Variants in MUC12 observed in about 807,000 individuals in gnomAD.
MUC12 encodes mucin 12, cell surface associated.
A neutral mutation model predicts 230.8 loss-of-function variants in MUC12; 172 were observed. The observed-to-expected ratio is 0.75, with a 90% CI of 0.66 to 0.85. MUC12 has a LOEUF of 0.85. Ranked by LOEUF, MUC12 falls within the 40% of genes least tolerant of loss-of-function variation. The probability of loss-of-function intolerance (pLI) is 0.00; values close to 1 mark genes in which losing one functional copy is unlikely to be tolerated. For synonymous variants in MUC12, 1,259 were observed against 2,401.9 expected (o/e 0.52, Z 13.91); for missense variants, 3,506 against 5,920.6 (o/e 0.59, Z 13.38).
chr7:100,983,128 T>C (rs1793134635), intron 1 of MUC12, among the ~76,000 whole-genome samples: 2 of 151,676 alleles, frequency 1.3e-5, no homozygotes. Flanking sequence ...CTATGTAAAA[T>C]AGAAATAGCG....
Position 101,005,211 on chromosome 7 carries a change from A to G in MUC12, c.14648A>G (p.Asp4883Gly). 1 of 1,537,824 alleles carries G rather than the reference A, an allele frequency of 6.5e-7. No individual in the cohort carries two copies. Among genetic ancestry groups the G allele is most frequent in the Non-Finnish European group, 8.7e-7 (1 of 1,147,044 alleles). ...AGTCAACAATCTACACCCTTCCCTG[A>G]CAGCCCAGGCTTCACTCACACAGTG... ...IHSQQSTPFP[D>G]SPGFTHTVLP... The change falls in exon 2 of 12, where the codon GAC becomes GGC. Residue 4883 changes from aspartate (D) to glycine (G), a missense_variant. Physicochemically the swap from Asp to Gly is moderately conservative, Grantham distance 94 (BLOSUM62 -1). Transcript: ENST00000536621.
At chr7:100,983,297 G>A (rs1793138016) in intron 1 of MUC12, among the ~76,000 whole-genome samples, 1 of 151,770 alleles carries the variant, frequency 6.6e-6, no homozygotes, top group Non-Finnish European at 1.5e-5. Context: ...GTGGGCACCT[G>A]TAATCCCAGC....
intron 5 of MUC12, among the ~76,000 whole-genome samples, chr7:101,011,638 T>C (rs193142406): frequency 1.6e-3 from 248 of 152,198 alleles, no homozygotes; most frequent in African/African-American, 5.6e-3. Context: ...CCCAGGCTGG[T>C]CTTGAACTCC....
chr7:100,971,319 T>C, intron 1 of MUC12, among the ~76,000 whole-genome samples: 1 of 152,124 alleles, frequency 6.6e-6, no homozygotes, highest in Non-Finnish European at 1.5e-5. Flanking sequence ...ACTTTCTGAT[T>C]CCTTTCTGGC....
chr7:100,990,762 C>G lies in MUC12; in HGVS notation c.199C>G (p.His67Asp). 2.0e-6 allele frequency: 3 copies of G among 1,537,884 alleles called. No individual in the cohort carries two copies. The highest frequency in any genetic ancestry group is 2.4e-5 in the East Asian group (1 of 40,920). The change falls in exon 2 of 12, where the codon CAC becomes GAC. Residue 67 changes from histidine to aspartate, a missense_variant. Transcript: ENST00000536621. ...TATCACGGGCTCAACTGCAACAAAA[C>G]ACTTCCTTGACAGCTCCACAAACTC... ...TFITGSTATK[H>D]FLDSSTNSGH...
intron 1 of MUC12, chr7:100,973,170 A>G (rs1792946116): frequency 1.6e-6 from 1 of 617,948 alleles, no homozygotes; most frequent in Non-Finnish European, 2.9e-6. Context: ...GAGGCCATTG[A>G]GAGGCACCCA....
At position 101,018,751 on chromosome 7, in the gene MUC12, G is replaced by C. The variant is rs1416950912; in HGVS notation, c.*115G>C. 24 of 1,097,684 alleles carry C rather than the reference G, an allele frequency of 2.2e-5. No individual in the cohort carries two copies. The highest frequency in any genetic ancestry group is 5.3e-5 in the Admixed American group (2 of 37,398). 68.0% of individuals were successfully genotyped at this position (1,097,684 alleles called of 1,614,324 possible). On this transcript the variant is annotated 3_prime_UTR_variant, in exon 12 of 12. Transcript: ENST00000536621. ...GAGACCGAAGTCAGGCCCTGAAGCC[G>C]GTCCTGCTCTGAGCTGACAGACTTG...
At chr7:101,018,552 C>G in intron 11 of MUC12, 43 bp from the exon 12 acceptor site, 1 of 1,532,918 alleles carries the variant, frequency 6.5e-7, no homozygotes. Flanking sequence ...CCCCCTTTCC[C>G]GGGTCTGCCC....
At chr7:100,990,054 C>A (rs190418703) in intron 1 of MUC12, among the ~76,000 whole-genome samples, 31 of 152,214 alleles carry the variant, frequency 2.0e-4, no homozygotes, top group African/African-American at 7.2e-4. Flanking sequence ...ACACCCTGCC[C>A]GCTAGCCAAA....
chr7:100,975,540 G>A (rs1213618544), intron 1 of MUC12, among the ~76,000 whole-genome samples: 1 of 152,430 alleles, frequency 6.6e-6, no homozygotes, highest in South Asian at 2.1e-4. Flanking sequence ...CCAAAGGCTG[G>A]CTCTGCTTGA....
intron 1 of MUC12, among the ~76,000 whole-genome samples, chr7:100,990,080 G>A (rs1274199565): frequency 6.6e-6 from 1 of 152,168 alleles, no homozygotes; most frequent in Non-Finnish European, 1.5e-5. Flanking sequence ...ATATTCCACA[G>A]AAGGCACAAG....
Position 100,990,735 on chromosome 7 carries a change from T to C in MUC12, c.172T>C (p.Phe58Leu). Residue 58 changes from phenylalanine (F) to leucine (L), a missense_variant, in exon 2 of 12, where the codon TTT (phenylalanine) becomes CTT (leucine). Transcript: ENST00000536621. ...TAGTGACTATGGGGTGTCAGTCACA[T>C]TTATCACGGGCTCAACTGCAACAAA... ...TFSDYGVSVT[F>L]ITGSTATKHF... 6.5e-7 allele frequency: 1 copy of C among 1,537,890 alleles called. No individual in the cohort carries two copies. The highest frequency in any genetic ancestry group is 8.7e-7 in the Non-Finnish European group (1 of 1,147,062).
chr7:101,015,484 CCAT>C (rs1793901766), intron 9 of MUC12, 128 bp from the exon 10 acceptor site: 2 of 714,460 alleles, frequency 2.8e-6, no homozygotes, highest in Non-Finnish European at 4.7e-6. Context: ...TTGTTCTCTG[CCAT>C]CATCGCTGCC....
At chr7:101,006,647 G>A (rs1793757856) in intron 3 of MUC12, 75 bp downstream of exon 3, 2 of 1,029,908 alleles carry the variant, frequency 1.9e-6, no homozygotes, top group Non-Finnish European at 1.5e-6. Flanking sequence ...AGTGTTGGAA[G>A]GATCAGCCAC....
chr7:101,002,778 G>C lies in MUC12; in HGVS notation c.12215G>C (p.Gly4072Ala). 8.6e-7 allele frequency: 1 copy of C among 1,165,818 alleles called. No homozygotes were observed. The highest frequency in any genetic ancestry group is 1.2e-6 in the Non-Finnish European group (1 of 834,314). 72.2% of individuals were successfully genotyped at this position (1,165,818 alleles called of 1,614,324 possible). A position where few individuals can be genotyped will look rare whatever the true frequency, so the allele number is the denominator to read the frequency against. ...TLTPASSTSTGLQEESTTFQS... is the reference protein window; with the variant it reads ...TLTPASSTSTALQEESTTFQS... ...ACCCCTGCCAGCTCCACAAGCACTGGCCTTCAGGAAGAATCTACCACTTTC... is the reference window on the plus strand; with the variant it reads ...ACCCCTGCCAGCTCCACAAGCACTGCCCTTCAGGAAGAATCTACCACTTTC... Residue 4072 changes from glycine to alanine, a missense_variant, in exon 2 of 12, where the codon GGC becomes GCC. Coordinates refer to ENST00000536621, the MANE Select transcript of MUC12 (RefSeq NM_001164462.2).
Position 101,004,655 on chromosome 7 carries a change from T to C in MUC12, c.14092T>C (p.Leu4698=), listed in dbSNP as rs1793701674. ...CCCAGATACAAATGGAATCACACCC[T>C]TACCTGCCCATTTTACTACCTCAGG... is the stretch of plus-strand genomic sequence containing the variant. ...SSPDTNGITP[L]PAHFTTSGRI... is the part of the protein sequence containing the mutation. The change falls in exon 2 of 12, where the codon TTA becomes CTA. Residue 4698 remains leucine (L), a synonymous_variant. Coordinates refer to ENST00000536621, the MANE Select transcript of MUC12 (RefSeq NM_001164462.2). The C allele has an allele frequency of 1.3e-6, 2 of 1,537,402 alleles. No individual in the cohort carries two copies. The highest frequency in any genetic ancestry group is 2.0e-5 in the Admixed American group (1 of 50,998).
chr7:100,992,048 T>G lies in MUC12; in HGVS notation c.1485T>G (p.Thr495=). ...CAGGCCTCAGTGAGAAATCTACCAC[T>G]TTCTACAGTAGCCCCAGATCACCAG... ...TKPGLSEKST[T]FYSSPRSPDT... The change falls in exon 2 of 12, where the codon ACT becomes ACG. Residue 495 remains threonine, a synonymous_variant. Transcript: ENST00000536621. The G allele has an allele frequency of 2.0e-6, 3 of 1,537,936 alleles. No homozygotes were observed. Among genetic ancestry groups the G allele is most frequent in the Admixed American group, 2.0e-5 (1 of 51,012 alleles).
chr7:101,005,240 C>A lies in MUC12; in HGVS notation c.14677C>A (p.Pro4893Thr). The A allele has an allele frequency of 1.3e-6, 2 of 1,537,896 alleles. No homozygotes were observed. Among genetic ancestry groups the A allele is most frequent in the Non-Finnish European group, 1.7e-6 (2 of 1,147,056 alleles). ...CCCAGGCTTCACTCACACAGTGTTA[C>A]CTGCCACCCTCACAACCACAGACAT... ...DSPGFTHTVL[P>T]ATLTTTDIGQ... The change falls in exon 2 of 12, where the codon CCT becomes ACT. Residue 4893 changes from proline to threonine, a missense_variant. Coordinates refer to ENST00000536621, the MANE Select transcript of MUC12 (RefSeq NM_001164462.2).
chr7:100,973,977 A>AC (rs199594440), intron 1 of MUC12, among the ~76,000 whole-genome samples: 1,594 of 151,318 alleles, frequency 0.011, 10 homozygotes, highest in African/African-American at 0.015. Context: ...ACATAGGGAG[A>AC]CCCCATCTCT....
Sources: gnomAD v4.1 joint callset for allele counts (sites outside exome capture counted in the v4.1 genomes callset) on GRCh38, gnomAD v4.1.1 for gene constraint, MANE v1.5 for transcripts, NCBI Gene and HGNC (gene_info 2026-07-23, HGNC 2026-07-21) for gene names.